ACOXL: variants seen among roughly 807,000 people sequenced by gnomAD.
ACOXL encodes the protein acyl-coenzyme A oxidase-like protein.
ACOXL carries 70 observed loss-of-function variants against 71.9 expected under a neutral mutation model. The observed-to-expected ratio is 0.97, with a 90% CI of 0.80 to 1.19. The LOEUF (loss-of-function observed/expected upper bound fraction) is 1.19. ACOXL is among the 50% of genes most tolerant of loss of function. The pLI is 0.00. For synonymous variants in ACOXL, 253 were observed against 281.6 expected (o/e 0.90, Z 1.02); for missense variants, 703 against 736.3 (o/e 0.95, Z 0.52).
At chr2:110,826,919 G>A (rs1689231576) in intron 9 of ACOXL, among the ~76,000 whole-genome samples, 1 of 152,072 alleles carries the variant, frequency 6.6e-6, no homozygotes, top group Admixed American at 6.5e-5. Flanking sequence ...ATTTCCCACA[G>A]TTGGGTGCTC....
At chr2:111,034,748 G>A (rs1390605522) in intron 15 of ACOXL, among the ~76,000 whole-genome samples, 2 of 152,170 alleles carry the variant, frequency 1.3e-5, no homozygotes, top group East Asian at 1.9e-4. Flanking sequence ...TTTCACCAGC[G>A]TATCATTACA....
At chr2:110,781,444 A>G (rs1254457155) in intron 2 of ACOXL, among the ~76,000 whole-genome samples, 1 of 152,004 alleles carries the variant, frequency 6.6e-6, no homozygotes, top group Non-Finnish European at 1.5e-5. Context: ...GTTTGAGACC[A>G]GACTGGCCAG....
At chr2:110,998,285 A>G (rs1322259860) in intron 14 of ACOXL, among the ~76,000 whole-genome samples, 1 of 152,260 alleles carries the variant, frequency 6.6e-6, no homozygotes, top group Non-Finnish European at 1.5e-5. Flanking sequence ...TATTAAATTG[A>G]AAGCTAACAT....
At chr2:110,839,385 T>TATTTTTTCCCAAAGTA (rs1226295919) in intron 9 of ACOXL, among the ~76,000 whole-genome samples, 1 of 152,254 alleles carries the variant, frequency 6.6e-6, no homozygotes, top group African/African-American at 2.4e-5. Context: ...TTTCTACTTT[T>TATTTTTTCCCAAAGTA]ATTTCTTTCC....
chr2:111,034,534 C>T (rs1245305661), intron 15 of ACOXL, among the ~76,000 whole-genome samples: 1 of 152,166 alleles, frequency 6.6e-6, no homozygotes, highest in Non-Finnish European at 1.5e-5. Context: ...TTTCAGGAAA[C>T]TGGCTTCAGG....
At chr2:111,030,582 A>C (rs1300825549) in intron 14 of ACOXL, among the ~76,000 whole-genome samples, 3 of 152,146 alleles carry the variant, frequency 2.0e-5, no homozygotes, top group Non-Finnish European at 4.4e-5. Flanking sequence ...GGGATTTTAC[A>C]TGTGGATCTC....
intron 14 of ACOXL, among the ~76,000 whole-genome samples, chr2:110,997,111 C>T (rs1036254229): frequency 5.9e-5 from 9 of 152,074 alleles, no homozygotes; most frequent in South Asian, 2.1e-4. Flanking sequence ...GCTACAGCTG[C>T]GGTGAAGAGC....
At chr2:110,878,830 C>T (rs532929110) in intron 10 of ACOXL, among the ~76,000 whole-genome samples, 14 of 151,432 alleles carry the variant, frequency 9.2e-5, no homozygotes, top group Admixed American at 2.6e-4. Context: ...GAGGCTGAGG[C>T]GGGTGGATCA....
At chr2:110,814,704 A>G (rs936823297) in intron 9 of ACOXL, among the ~76,000 whole-genome samples, 3 of 152,206 alleles carry the variant, frequency 2.0e-5, no homozygotes, top group African/African-American at 4.8e-5. Flanking sequence ...GTAGAACTAC[A>G]TAGTATATGA....
chr2:110,814,219 C>G (rs1264605522), intron 9 of ACOXL, among the ~76,000 whole-genome samples: 1 of 152,190 alleles, frequency 6.6e-6, no homozygotes, highest in East Asian at 1.9e-4. Flanking sequence ...TCCAGGCCTC[C>G]TTCTCCACTG....
chr2:110,804,179 G>A (rs1260034037), intron 8 of ACOXL, among the ~76,000 whole-genome samples: 1 of 152,006 alleles, frequency 6.6e-6, no homozygotes, highest in Non-Finnish European at 1.5e-5. Flanking sequence ...TAGAGATGGG[G>A]TTTTGCCATG....
At chr2:110,961,753 G>T (rs1316038074) in intron 12 of ACOXL, among the ~76,000 whole-genome samples, 1 of 152,174 alleles carries the variant, frequency 6.6e-6, no homozygotes, top group African/African-American at 2.4e-5. Context: ...CACATGGCTG[G>T]AGAGGCTCCA....
In ACOXL at chr2:110,952,937, TA is replaced by T. The variant is rs1228034467; in HGVS notation, c.1059+19298del. On this transcript the variant is annotated intron_variant, in intron 12 of 17. Transcript: ENST00000439055. Reference sequence around the variant, plus strand: ...TATAAGATTTTCAGTTTATTGATTCTAAATTTATTTTAATTTCCATAGTGAC... The same window carrying T: ...TATAAGATTTTCAGTTTATTGATTCTAATTTATTTTAATTTCCATAGTGAC... 2.0e-5 allele frequency among the ~76,000 whole-genome samples: 3 copies of T among 152,384 alleles called. No homozygotes were observed. In the East Asian group the frequency reaches 5.8e-4, roughly 29 times the overall value.
intron 15 of ACOXL, among the ~76,000 whole-genome samples, chr2:111,039,452 TA>T (rs1432765296): frequency 3.9e-5 from 6 of 152,094 alleles, no homozygotes; most frequent in Non-Finnish European, 8.8e-5. Context: ...TACAATCGTT[TA>T]ACAAGTTTTG....
chr2:110,844,498 C>G (rs1691547675), intron 10 of ACOXL, among the ~76,000 whole-genome samples: 1 of 151,454 alleles, frequency 6.6e-6, no homozygotes, highest in South Asian at 2.1e-4. Context: ...GATCTTTTCT[C>G]TTAGAAGCCT....
chr2:110,903,920 C>T (rs1456799836), intron 10 of ACOXL, among the ~76,000 whole-genome samples: 2 of 152,210 alleles, frequency 1.3e-5, no homozygotes, highest in Non-Finnish European at 2.9e-5. Context: ...GTCTTGAGGC[C>T]CTCGGTCTCT....
chr2:110,840,090 A>T (rs1690970132), intron 9 of ACOXL, among the ~76,000 whole-genome samples: 1 of 152,096 alleles, frequency 6.6e-6, no homozygotes, highest in African/African-American at 2.4e-5. Flanking sequence ...CCCCAGGTTC[A>T]ATCGATTCTC....
At position 110,799,097 on chromosome 2, in the gene ACOXL, G is replaced by A. The variant is rs868055218; in HGVS notation, c.544G>A (p.Glu182Lys). ...GVTAIDMMYK[E>K]GLHGVDNGIL... ...CACAGCTATTGATATGATGTACAAG[G>A]AGGGTGAGTCCCCAGGTGCCCTTTT... Residue 182 changes from glutamate (E) to lysine (K), a missense_variant, in exon 7 of 18, where the codon GAG becomes AAG. Glu to Lys is a moderately conservative substitution (Grantham distance 56). Transcript: ENST00000439055. 1 of 1,613,752 alleles carries A rather than the reference G, an allele frequency of 6.2e-7. No individual in the cohort carries two copies. The highest frequency in any genetic ancestry group is 1.1e-5 in the South Asian group (1 of 91,064).
At chr2:110,948,703 TAAAAAAAAAAA>T (rs5833377) in intron 12 of ACOXL, among the ~76,000 whole-genome samples, 1 of 70,808 alleles carries the variant, frequency 1.4e-5, no homozygotes, top group East Asian at 4.1e-4. Context: ...CCAGAAGAAC[TAAAAAAAAAAA>T]AAAAAAAAAA....
Sources: allele counts gnomAD v4.1 joint callset (sites outside exome capture counted in the v4.1 genomes callset), GRCh38; gene constraint gnomAD v4.1.1; transcripts MANE v1.5; gene names NCBI Gene and HGNC (gene_info 2026-07-23, HGNC 2026-07-21).